The following VWF variants were observed in gnomAD, a reference collection of about 807,000 sequenced individuals.
The protein encoded by VWF is von Willebrand factor, also known as Factor VIII related antigen.
VWF carries 176 observed loss-of-function variants against 308.6 expected under a neutral mutation model. The observed-to-expected ratio is 0.57, with a 90% CI of 0.50 to 0.65. The LOEUF (loss-of-function observed/expected upper bound fraction) is 0.65, where lower values mean the gene tolerates loss of function less well. VWF is among the 30% of genes least tolerant of loss of function. VWF has a pLI of 0.00. For synonymous variants in VWF, 1,385 were observed against 1,443.4 expected (o/e 0.96, Z 0.92); for missense variants, 3,146 against 3,648.2 (o/e 0.86, Z 3.55).
At chr12:5,995,461 A>G (rs1204235069) in intron 35 of VWF, among the ~76,000 whole-genome samples, 1 of 152,224 alleles carries the variant, frequency 6.6e-6, no homozygotes, top group African/African-American at 2.4e-5. Context: ...TTTTCACACA[A>G]TGAAATATTT....
chr12:6,073,002 G>A (rs183840421), intron 8 of VWF, among the ~76,000 whole-genome samples: 334 of 152,186 alleles, frequency 2.2e-3, no homozygotes, highest in African/African-American at 7.3e-3. Context: ...AAGTAGCTGG[G>A]ATTATAGGTG....
chr12:5,996,211 C>T lies in VWF; in HGVS notation c.5854G>A (p.Gly1952Ser), dbSNP rs113237579. 6.2e-7 allele frequency: 1 copy of T among 1,612,318 alleles called. No individual in the cohort carries two copies. The highest frequency in any genetic ancestry group is 1.3e-5 in the African/African-American group (1 of 74,896). The change falls in exon 35 of 52, where the codon GGC becomes AGC. Residue 1952 changes from glycine (G) to serine (S), a missense_variant. Gly to Ser is a moderately conservative substitution (Grantham distance 56). Coordinates refer to ENST00000261405, the MANE Select transcript of VWF (RefSeq NM_000552.5). ...CRWTCPCVCTGSSTRHIVTFD... is the reference protein window; with the variant it reads ...CRWTCPCVCTSSSTRHIVTFD... ...GTCACGATGTGCCGAGTGGAGCTGCCTGTGCACACGCCTGGACAGAGAGAA... is the reference window on the plus strand; with the variant it reads ...GTCACGATGTGCCGAGTGGAGCTGCTTGTGCACACGCCTGGACAGAGAGAA...
chr12:6,086,645 A>G (rs1012533025), intron 6 of VWF, among the ~76,000 whole-genome samples: 2 of 152,234 alleles, frequency 1.3e-5, no homozygotes, highest in African/African-American at 4.8e-5. Context: ...GAGGGAAGGC[A>G]GAAGTGGGCC....
chr12:5,992,758 G>C (rs1943760081), intron 37 of VWF, among the ~76,000 whole-genome samples: 1 of 152,192 alleles, frequency 6.6e-6, no homozygotes, highest in Non-Finnish European at 1.5e-5. Flanking sequence ...AAGGCACCAA[G>C]GCAGGCAGGT....
chr12:6,018,838 C>T lies in VWF; in HGVS notation c.4580G>A (p.Arg1527Gln), dbSNP rs780538558. Residue 1527 changes from arginine to glutamine, a missense_variant, in exon 28 of 52, where the codon CGG (arginine) becomes CAG (glutamine). Coordinates refer to ENST00000261405, the MANE Select transcript of VWF (RefSeq NM_000552.5). ...SKEFMEEVIQRMDVGQDSIHV... is the reference protein window; with the variant it reads ...SKEFMEEVIQQMDVGQDSIHV... ...GATGCTGTCCTGGCCCACATCCATCCGCTGAATCACCTCCTCCATGAACTC... is the reference window on the plus strand; with the variant it reads ...GATGCTGTCCTGGCCCACATCCATCTGCTGAATCACCTCCTCCATGAACTC... 46 of 1,613,796 alleles carry T rather than the reference C, an allele frequency of 2.9e-5. No individual in the cohort carries two copies. Among genetic ancestry groups the T allele is most frequent in the South Asian group, 1.4e-4 (13 of 91,080 alleles).
intron 16 of VWF, among the ~76,000 whole-genome samples, chr12:6,050,407 A>G (rs1944495728): frequency 6.6e-6 from 1 of 152,102 alleles, no homozygotes; most frequent in South Asian, 2.1e-4. Flanking sequence ...ATCATACCTC[A>G]TGCAGCTCCC....
chr12:5,979,477 C>G (rs1943569153), intron 42 of VWF, among the ~76,000 whole-genome samples: 1 of 152,230 alleles, frequency 6.6e-6, no homozygotes, highest in Non-Finnish European at 1.5e-5. Flanking sequence ...CTGGGCCAGG[C>G]ATGGTGGCTG....
chr12:5,971,254 A>G (rs1013513440), intron 44 of VWF, among the ~76,000 whole-genome samples: 2 of 152,254 alleles, frequency 1.3e-5, no homozygotes, highest in African/African-American at 4.8e-5. Context: ...GATGTGGTCC[A>G]GAACAGTACT....
chr12:6,002,887 AC>A lies in VWF; in HGVS notation c.5843-6666del, dbSNP rs201887568. Among the ~76,000 whole-genome samples, 191 of 151,086 alleles carry A rather than the reference AC, an allele frequency of 1.3e-3. 1 individual carries two copies. The East Asian group carries it at 0.015, about 12-fold the overall frequency. On this transcript the variant is annotated intron_variant, in intron 34 of 51. Coordinates refer to ENST00000261405, the MANE Select transcript of VWF (RefSeq NM_000552.5). Reference sequence around the variant, plus strand: ...AGTATTCCCCCACCACAAAAAAAAAACAAAAAACCTACAGGGTGGGAGACGG... The same window carrying A: ...AGTATTCCCCCACCACAAAAAAAAAAAAAAAACCTACAGGGTGGGAGACGG...
rs113519371 is a variant in VWF at position 6,060,923 on chromosome 12, G to T, written c.1533+2031C>A. On this transcript the variant is annotated intron_variant, in intron 13 of 51. Coordinates refer to ENST00000261405, the MANE Select transcript of VWF (RefSeq NM_000552.5). The surrounding 1 kb of genome is among the most constrained non-coding windows in gnomAD (Gnocchi z 5.1). ...TGCTGAGAAAGTGGACTGGCTGGCC[G>T]GGCGTGGTGGCTCATGCCCGTAATC... is the stretch of plus-strand genomic sequence containing the variant. Among the ~76,000 whole-genome samples, 1 of 152,200 alleles carries T rather than the reference G, an allele frequency of 6.6e-6. No individual in the cohort carries two copies. The highest frequency in any genetic ancestry group is 1.5e-5 in the Non-Finnish European group (1 of 68,032).
At position 6,065,278 on chromosome 12, in the gene VWF, A is replaced by G. The variant is rs748124576; in HGVS notation, c.1157-5T>C. 1.9e-6 allele frequency: 3 copies of G among 1,614,070 alleles called. No homozygotes were observed. In the Admixed American group the frequency reaches 5.0e-5, roughly 27 times the overall value. ...GACCTGTGACAAGGCACTCCCCTGGAGAGACACAGAGGAAGGGAGAAGAAT... is the reference window on the plus strand; with the variant it reads ...GACCTGTGACAAGGCACTCCCCTGGGGAGACACAGAGGAAGGGAGAAGAAT... On this transcript the variant is annotated splice_region_variant and splice_polypyrimidine_tract_variant and intron_variant, in intron 10 of 51. Coordinates refer to ENST00000261405, the MANE Select transcript of VWF (RefSeq NM_000552.5).
At chr12:5,984,096 T>A (rs767943561) in intron 40 of VWF, among the ~76,000 whole-genome samples, 16 of 152,308 alleles carry the variant, frequency 1.1e-4, no homozygotes, top group Middle Eastern at 3.4e-3. Flanking sequence ...GGCTTTCACA[T>A]CTCAGCCAAG....
chr12:5,977,840 T>A (rs1366270504), intron 42 of VWF, among the ~76,000 whole-genome samples: 2 of 150,620 alleles, frequency 1.3e-5, no homozygotes, highest in African/African-American at 4.9e-5. Flanking sequence ...ACTGCACTTG[T>A]GCCTGGGTGA....
chr12:5,950,866 A>G (rs78158784), intron 50 of VWF, among the ~76,000 whole-genome samples: 1,674 of 152,240 alleles, frequency 0.011, 16 homozygotes, highest in Non-Finnish European at 0.014. Context: ...TTCTTCTCTG[A>G]TGGTTTCCTG....
At position 6,046,932 on chromosome 12, in the gene VWF, C is replaced by CACAGGTCCCAGT; in HGVS notation, c.2187-116_2187-115insACTGGGACCTGT. 1 of 887,282 alleles carries CACAGGTCCCAGT rather than the reference C, an allele frequency of 1.1e-6. No individual in the cohort carries two copies. Among genetic ancestry groups the CACAGGTCCCAGT allele is most frequent in the Non-Finnish European group, 1.8e-6 (1 of 550,902 alleles). 55.0% of individuals were successfully genotyped at this position (887,282 alleles called of 1,614,324 possible). On this transcript the variant is annotated intron_variant, in intron 16 of 51. Transcript: ENST00000261405. The surrounding 1 kb of genome is among the most constrained non-coding windows in gnomAD (Gnocchi z 5.0). ...TTCCAACCAGGTCCCAGTCCCATAA[C>CACAGGTCCCAGT]CCCTCCTGAAGCACAGCTTGCTAAC...
At position 5,985,602 on chromosome 12, in the gene VWF, T is replaced by C; in HGVS notation, c.6862A>G (p.Lys2288Glu). 1 of 1,614,096 alleles carries C rather than the reference T, an allele frequency of 6.2e-7. No homozygotes were observed. The change falls in exon 39 of 52, where the codon AAG becomes GAG. Residue 2288 changes from lysine to glutamate, a missense_variant. Lys to Glu is a moderately conservative substitution (Grantham distance 56, BLOSUM62 1). Around this residue, in one of 3 missense-constraint regions of VWF, gnomAD observed 989 missense variants for 1,117.4 expected, o/e 0.89. Transcript: ENST00000261405. ...CAGGGCTGCGTTGTGCAGTTGACCTTCCGCCCGCTGAGGCATGTGCAGATC... is the reference window on the plus strand; with the variant it reads ...CAGGGCTGCGTTGTGCAGTTGACCTCCCGCCCGCTGAGGCATGTGCAGATC... ...CQICTCLSGR[K>E]VNCTTQPCPT...
At chr12:6,123,004 T>C (rs768478022) in intron 2 of VWF, 138 bp downstream of exon 2, 10 of 1,113,318 alleles carry the variant, frequency 9.0e-6, no homozygotes, top group Non-Finnish European at 1.2e-5. Context: ...CCGCAGAACC[T>C]TCACAGGAGG....
chr12:5,949,894 G>A lies in VWF; in HGVS notation c.8156-11C>T. On this transcript the variant is annotated splice_polypyrimidine_tract_variant and intron_variant, in intron 50 of 51. Transcript: ENST00000261405. ...ACTCAGGCTCCTCACCTACAGGACA[G>A]GTGAGAGATGAAACTTGAGGACTGG... 6.2e-7 allele frequency: 1 copy of A among 1,611,786 alleles called. No homozygotes were observed. The highest frequency in any genetic ancestry group is 8.5e-7 in the Non-Finnish European group (1 of 1,179,716).
chr12:6,113,325 T>C (rs2136526030), intron 3 of VWF, among the ~76,000 whole-genome samples: 1 of 143,214 alleles, frequency 7.0e-6, no homozygotes, highest in Non-Finnish European at 1.5e-5. Context: ...TGAGACAGAG[T>C]CTCGCTCTGT....
Sources: allele counts gnomAD v4.1 joint callset (sites outside exome capture counted in the v4.1 genomes callset), GRCh38; gene constraint gnomAD v4.1.1; regional missense constraint gnomAD v4.1.1; non-coding constraint Gnocchi (gnomAD v3.1); transcripts MANE v1.5; gene names NCBI Gene and HGNC (gene_info 2026-07-23, HGNC 2026-07-21).